Variants in CASK observed in about 807,000 individuals in gnomAD.
CASK encodes calcium/calmodulin dependent serine protein kinase.
In CASK, 4 loss-of-function variants were observed where a neutral mutation model predicts 82.9. The observed-to-expected ratio is 0.05, with a 90% CI of 0.02 to 0.11. The LOEUF (loss-of-function observed/expected upper bound fraction) is 0.11. Ranked by LOEUF, CASK falls within the 10% of genes least tolerant of loss-of-function variation. The pLI, the probability that CASK is intolerant of heterozygous loss-of-function variation, is 1.00. For missense variants in CASK, 358 were observed against 720.9 expected, an observed-to-expected ratio of 0.50 and a Z score of 5.76; for synonymous variants, 259 against 253.5, an observed-to-expected ratio of 1.02 and a Z score of -0.20.
At chrX:41,645,186 C>T (rs2066735095) in intron 8 of CASK, among the ~76,000 whole-genome samples, 1 of 111,441 alleles carries the variant, frequency 9.0e-6, no homozygotes, top group South Asian at 3.8e-4. Context: ...ACTTTAAAAA[C>T]CCAATTGTCC....
intron 5 of CASK, among the ~76,000 whole-genome samples, chrX:41,719,805 TG>T (rs1424949363): frequency 8.9e-6 from 1 of 112,318 alleles, no homozygotes; most frequent in African/African-American, 3.2e-5. Flanking sequence ...AAGTAACTTG[TG>T]GAATGCTGAG....
chrX:41,640,091 T>A (rs1332390878), intron 8 of CASK, among the ~76,000 whole-genome samples: 1 of 111,981 alleles, frequency 8.9e-6, no homozygotes, highest in African/African-American at 3.2e-5. Flanking sequence ...TACTAAGGAG[T>A]AGAATGCCTG....
intron 5 of CASK, among the ~76,000 whole-genome samples, chrX:41,694,801 T>C (rs2067647137): frequency 8.9e-6 from 1 of 111,888 alleles, no homozygotes; most frequent in African/African-American, 3.3e-5. Context: ...CTAAGACCCC[T>C]ACCTTGGTCT....
intron 21 of CASK, among the ~76,000 whole-genome samples, chrX:41,544,937 C>G (rs1327065699): frequency 9.0e-6 from 1 of 111,247 alleles, no homozygotes; most frequent in Admixed American, 9.6e-5. Flanking sequence ...AGAAATCCTT[C>G]CTTGTCCCAG....
chrX:41,687,417 C>G (rs1300883951), intron 5 of CASK, among the ~76,000 whole-genome samples: 1 of 111,738 alleles, frequency 8.9e-6, no homozygotes, highest in Admixed American at 9.5e-5. Context: ...AGATGAACCT[C>G]GAGGATATGA....
At chrX:41,876,792 T>A (rs1467135955) in intron 1 of CASK, among the ~76,000 whole-genome samples, 1 of 112,128 alleles carries the variant, frequency 8.9e-6, no homozygotes, top group Non-Finnish European at 1.9e-5. Context: ...TAAAAATATC[T>A]TGTTCCTAAT....
chrX:41,676,293 T>C, intron 5 of CASK: 1 of 1,196,488 alleles, frequency 8.4e-7, no homozygotes, highest in Non-Finnish European at 1.1e-6. Flanking sequence ...CCTTCCGTCT[T>C]TTGTTCAATA....
At chrX:41,637,728 C>T (rs1036983514) in intron 8 of CASK, among the ~76,000 whole-genome samples, 3 of 110,547 alleles carry the variant, frequency 2.7e-5, no homozygotes, top group South Asian at 3.9e-4. Context: ...ACCACAGCCT[C>T]GACCTCCCTG....
chrX:41,568,950 T>C (rs1265970875), intron 16 of CASK, among the ~76,000 whole-genome samples: 2 of 111,393 alleles, frequency 1.8e-5, no homozygotes, highest in African/African-American at 6.5e-5. Flanking sequence ...TGAGCCAAGA[T>C]TGTGCCATTG....
At chrX:41,754,788 T>G (rs2068861187) in intron 3 of CASK, among the ~76,000 whole-genome samples, 1 of 111,214 alleles carries the variant, frequency 9.0e-6, no homozygotes, top group African/African-American at 3.3e-5. Context: ...ATTAGAAAAC[T>G]TGAATAATCC....
chrX:41,915,999 A>ACG (rs2072676377), intron 1 of CASK, among the ~76,000 whole-genome samples: 2 of 108,763 alleles, frequency 1.8e-5, no homozygotes, highest in African/African-American at 6.7e-5. Context: ...AAACACACAC[A>ACG]CACACACACA....
intron 5 of CASK, chrX:41,728,322 TTC>T: frequency 4.9e-6 from 1 of 205,407 alleles, no homozygotes; most frequent in Non-Finnish European, 9.3e-6. Flanking sequence ...CTGTCAGTGC[TTC>T]TGTTCAGAAC....
At chrX:41,893,475 G>C (rs368095626) in intron 1 of CASK, among the ~76,000 whole-genome samples, 1 of 112,147 alleles carries the variant, frequency 8.9e-6, no homozygotes, top group African/African-American at 3.2e-5. Context: ...GACATACTTG[G>C]GGGTTCTGGA....
At chrX:41,751,867 G>A (rs773493793) in intron 3 of CASK, among the ~76,000 whole-genome samples, 1 of 109,925 alleles carries the variant, frequency 9.1e-6, no homozygotes, top group East Asian at 2.9e-4. Flanking sequence ...AAAAGAGTGA[G>A]ATGCTGTCTC....
At chrX:41,673,842 T>G (rs941134609) in intron 5 of CASK, among the ~76,000 whole-genome samples, 9 of 103,914 alleles carry the variant, frequency 8.7e-5, no homozygotes, top group Non-Finnish European at 1.6e-4. Context: ...TTTTTTTTTT[T>G]TTTTTTTTTT....
chrX:41,652,882 C>T (rs1257846669), intron 8 of CASK, among the ~76,000 whole-genome samples: 1 of 112,209 alleles, frequency 8.9e-6, no homozygotes, highest in East Asian at 2.8e-4. Flanking sequence ...TAATGGAACC[C>T]AAAGAGCAGG....
chrX:41,620,890 C>T (rs907116186), intron 11 of CASK, among the ~76,000 whole-genome samples: 15 of 112,194 alleles, frequency 1.3e-4, no homozygotes, highest in African/African-American at 4.9e-4. Flanking sequence ...AGGAAGTAAA[C>T]TCTGCATATG....
At chrX:41,722,740 G>A (rs1039638587) in intron 5 of CASK, among the ~76,000 whole-genome samples, 4 of 112,206 alleles carry the variant, frequency 3.6e-5, no homozygotes, top group African/African-American at 1.3e-4. Context: ...CTGAAGGAGT[G>A]ATGGTATCAT....
Position 41,915,588 on chromosome X carries a change from G to C in CASK, c.59+7342C>G, listed in dbSNP as rs188811277. Reference sequence around the variant, plus strand: ...CCTATATTTTAAATTGTATGGCTGGGCACAGTGGCTCACGCCTGTAATCCC... The same window carrying C: ...CCTATATTTTAAATTGTATGGCTGGCCACAGTGGCTCACGCCTGTAATCCC... On this transcript the variant is annotated intron_variant, in intron 1 of 26. Coordinates refer to ENST00000378163, the MANE Select transcript of CASK (RefSeq NM_001367721.1). 1.2e-3 allele frequency among the ~76,000 whole-genome samples: 138 copies of C among 112,047 alleles called. 2 individuals carry two copies. The highest frequency in any genetic ancestry group is 4.3e-3 in the African/African-American group (134 of 30,845).
Sources: gnomAD v4.1 joint callset for allele counts (sites outside exome capture counted in the v4.1 genomes callset) on GRCh38, gnomAD v4.1.1 for gene constraint, MANE v1.5 for transcripts, NCBI Gene and HGNC (gene_info 2026-07-23, HGNC 2026-07-21) for gene names.